GALNT17: variants seen among roughly 807,000 people sequenced by gnomAD.
GALNT17 encodes the protein polypeptide N-acetylgalactosaminyltransferase 17.
A neutral mutation model predicts 63.7 loss-of-function variants in GALNT17; 29 were observed. The ratio of observed to expected loss-of-function variants is 0.46; its 90% confidence interval spans 0.34 to 0.62. The LOEUF is 0.62. Among genes scored for constraint, GALNT17 ranks in the 20% least tolerant of loss-of-function variants. GALNT17 has a pLI of 0.01. For missense variants in GALNT17, 603 were observed against 799.6 expected (o/e 0.75, Z 2.97); for synonymous variants, 305 against 318.3 (o/e 0.96, Z 0.45).
At chr7:71,602,305 T>C (rs927264934) in intron 6 of GALNT17, among the ~76,000 whole-genome samples, 5 of 152,178 alleles carry the variant, frequency 3.3e-5, no homozygotes, top group Non-Finnish European at 5.9e-5. Flanking sequence ...TCTTTTTATC[T>C]TTAGTCTGTG....
chr7:71,260,545 CTTA>C (rs1173717536), intron 1 of GALNT17, among the ~76,000 whole-genome samples: 1 of 152,030 alleles, frequency 6.6e-6, no homozygotes, highest in African/African-American at 2.4e-5. Context: ...TATGCTGTAC[CTTA>C]TTATTCCCCA....
intron 3 of GALNT17, among the ~76,000 whole-genome samples, chr7:71,415,227 C>T (rs77283794): frequency 0.077 from 11,686 of 152,154 alleles, 558 homozygotes; most frequent in Middle Eastern, 0.18. Context: ...TCAGCTCTCC[C>T]GTTAGCCCAT....
chr7:71,664,414 G>A (rs900666127), intron 6 of GALNT17, among the ~76,000 whole-genome samples: 21 of 152,004 alleles, frequency 1.4e-4, no homozygotes, highest in Admixed American at 3.3e-4. Context: ...GTGTGAGACC[G>A]GCCTGGGCAA....
intron 1 of GALNT17, among the ~76,000 whole-genome samples, chr7:71,227,967 C>T (rs1372587393): frequency 6.6e-6 from 1 of 152,086 alleles, no homozygotes; most frequent in Non-Finnish European, 1.5e-5. Context: ...TCATCAGATG[C>T]CTTCTTCCCT....
At chr7:71,332,589 C>T (rs1791825762) in intron 1 of GALNT17, among the ~76,000 whole-genome samples, 1 of 152,142 alleles carries the variant, frequency 6.6e-6, no homozygotes, top group Non-Finnish European at 1.5e-5. Flanking sequence ...GGAAAATTCT[C>T]ATGTTGGATA....
At chr7:71,446,064 G>A (rs940980753) in intron 5 of GALNT17, among the ~76,000 whole-genome samples, 22 of 152,150 alleles carry the variant, frequency 1.4e-4, no homozygotes, top group African/African-American at 5.1e-4. Flanking sequence ...ATATGAGGAG[G>A]GAGGAGCAGA....
At position 71,153,717 on chromosome 7, in the gene GALNT17, G is replaced by A. The variant is rs568107049; in HGVS notation, c.238+20677G>A. Among the ~76,000 whole-genome samples, 65 of 152,200 alleles carry A rather than the reference G, an allele frequency of 4.3e-4. 1 individual carries two copies. The highest frequency in any genetic ancestry group is 1.5e-3 in the African/African-American group (61 of 41,548). ...GGATCATTTGAGGTCAGGAGTTTGA[G>A]ACCAGCCTGGCCAACATGGTGAAAC... On this transcript the variant is annotated intron_variant, in intron 1 of 10. Transcript: ENST00000333538.
intron 1 of GALNT17, among the ~76,000 whole-genome samples, chr7:71,221,841 A>G (rs1475708772): frequency 2.0e-5 from 3 of 151,508 alleles, no homozygotes; most frequent in African/African-American, 7.3e-5. Context: ...TAACTGTGGT[A>G]TGATGGTCAA....
chr7:71,162,412 CCATCCATCCATCCATCCATCCATT>C (rs1788365909), intron 1 of GALNT17, among the ~76,000 whole-genome samples: 1 of 147,508 alleles, frequency 6.8e-6, no homozygotes, highest in Non-Finnish European at 1.5e-5. Flanking sequence ...GTTCATCCAT[CCATCCATCCATCCATCCATCCATT>C]CATCCATCCA....
At chr7:71,270,159 A>C (rs950164093) in intron 1 of GALNT17, among the ~76,000 whole-genome samples, 7 of 152,204 alleles carry the variant, frequency 4.6e-5, no homozygotes, top group Admixed American at 1.3e-4. Flanking sequence ...ACTAAAGCAC[A>C]GAGAGATTGA....
At chr7:71,683,624 G>A (rs75147914) in intron 9 of GALNT17, among the ~76,000 whole-genome samples, 3,751 of 152,232 alleles carry the variant, frequency 0.025, 152 homozygotes, top group African/African-American at 0.083. Flanking sequence ...TTGCTTGCTC[G>A]GAAATGTCTG....
intron 1 of GALNT17, among the ~76,000 whole-genome samples, chr7:71,240,798 G>A (rs938919697): frequency 6.6e-6 from 1 of 151,870 alleles, no homozygotes; most frequent in Non-Finnish European, 1.5e-5. Flanking sequence ...CCGAGTTGCT[G>A]GGACTACAGG....
intron 1 of GALNT17, among the ~76,000 whole-genome samples, chr7:71,193,122 A>T (rs904852079): frequency 6.0e-5 from 9 of 150,490 alleles, no homozygotes; most frequent in Non-Finnish European, 1.3e-4. Flanking sequence ...TTTTTGAGAC[A>T]GGGTCTTGCT....
chr7:71,165,590 C>T (rs1230043202), intron 1 of GALNT17, among the ~76,000 whole-genome samples: 1 of 152,212 alleles, frequency 6.6e-6, no homozygotes, highest in African/African-American at 2.4e-5. Flanking sequence ...ATTCAGTTAT[C>T]TCCCACCGGG....
chr7:71,532,245 C>G (rs1788732979), intron 5 of GALNT17, among the ~76,000 whole-genome samples: 1 of 152,082 alleles, frequency 6.6e-6, no homozygotes, highest in Non-Finnish European at 1.5e-5. Flanking sequence ...GCACACAACA[C>G]CCGCATAGCT....
intron 1 of GALNT17, among the ~76,000 whole-genome samples, chr7:71,161,941 C>T (rs992659478): frequency 6.7e-6 from 1 of 149,762 alleles, no homozygotes; most frequent in Admixed American, 6.7e-5. Flanking sequence ...CCTTCTCTTC[C>T]CCTCCCCTCC....
At chr7:71,328,325 G>A (rs138120152) in intron 1 of GALNT17, among the ~76,000 whole-genome samples, 36 of 152,224 alleles carry the variant, frequency 2.4e-4, no homozygotes, top group African/African-American at 7.9e-4. Context: ...ATGAATTCTC[G>A]CAGGCCTGGT....
At chr7:71,484,419 C>T (rs151215848) in intron 5 of GALNT17, among the ~76,000 whole-genome samples, 5,594 of 152,180 alleles carry the variant, frequency 0.037, 136 homozygotes, top group South Asian at 0.12. Flanking sequence ...ACTCAGGAGG[C>T]AGAGGCTGCA....
chr7:71,154,381 C>T (rs763113034), intron 1 of GALNT17, among the ~76,000 whole-genome samples: 23 of 152,144 alleles, frequency 1.5e-4, no homozygotes, highest in Non-Finnish European at 2.8e-4. Flanking sequence ...GCTGTTCCCA[C>T]CCCAAGCCTC....
Sources: gnomAD v4.1 joint callset for allele counts (sites outside exome capture counted in the v4.1 genomes callset) on GRCh38, gnomAD v4.1.1 for gene constraint, MANE v1.5 for transcripts, NCBI Gene and HGNC (gene_info 2026-07-23, HGNC 2026-07-21) for gene names.